The following LRP1B variants were observed in gnomAD, a reference collection of about 807,000 sequenced individuals.
LRP1B encodes low-density lipoprotein receptor-related protein 1B.
In LRP1B, 217 loss-of-function variants were observed where a neutral mutation model predicts 556.6. That is an observed-to-expected ratio of 0.39 (90% CI 0.35 to 0.44). LRP1B has a LOEUF of 0.44. LRP1B is among the 20% of genes least tolerant of loss of function. LRP1B has a pLI of 1.00. For missense variants in LRP1B, 5,053 were observed against 5,620.8 expected, an observed-to-expected ratio of 0.90 and a Z score of 3.23; for synonymous variants, 2,047 against 1,865.8, an observed-to-expected ratio of 1.10 and a Z score of -2.50.
intron 3 of LRP1B, among the ~76,000 whole-genome samples, chr2:141,370,763 T>C (rs989241394): frequency 2.0e-5 from 3 of 152,196 alleles, no homozygotes; most frequent in East Asian, 1.9e-4. Flanking sequence ...TTTTCTAATA[T>C]GTTTACGGTT....
intron 1 of LRP1B, among the ~76,000 whole-genome samples, chr2:142,124,038 T>G (rs192459844): frequency 1.3e-3 from 202 of 152,046 alleles, no homozygotes; most frequent in Non-Finnish European, 2.3e-3. Context: ...AAAACATGTT[T>G]TTTTTAATTT....
At chr2:141,212,249 A>ATTTTTTTTTCTTTCTTTTTTTTTTTT (rs1682590159) in intron 6 of LRP1B, among the ~76,000 whole-genome samples, 1 of 62,226 alleles carries the variant, frequency 1.6e-5, no homozygotes, top group Admixed American at 2.2e-4. Flanking sequence ...AAAAGTCTAG[A>ATTTTTTTTTCTTTCTTTTTTTTTTTT]TTTTTTTTTT....
At chr2:141,066,852 G>A (rs1699494528) in intron 7 of LRP1B, among the ~76,000 whole-genome samples, 1 of 151,826 alleles carries the variant, frequency 6.6e-6, no homozygotes, top group African/African-American at 2.4e-5. Flanking sequence ...ATACAAAATG[G>A]GGACTAGCTA....
intron 1 of LRP1B, among the ~76,000 whole-genome samples, chr2:142,020,137 C>T (rs1034207643): frequency 2.6e-5 from 4 of 152,090 alleles, no homozygotes; most frequent in African/African-American, 9.7e-5. Context: ...GCTTAGAGTA[C>T]AGGCAATCAA....
intron 66 of LRP1B, among the ~76,000 whole-genome samples, chr2:140,424,470 C>G (rs1049333265): frequency 4.6e-5 from 7 of 152,114 alleles, no homozygotes; most frequent in Admixed American, 4.6e-4. Flanking sequence ...TCCAGTAAAC[C>G]TCACCATGCT....
intron 24 of LRP1B, among the ~76,000 whole-genome samples, chr2:140,885,397 C>T (rs946757060): frequency 1.3e-5 from 2 of 150,360 alleles, no homozygotes; most frequent in Non-Finnish European, 2.9e-5. Flanking sequence ...GTTGCCCAGG[C>T]TGGAGTACAA....
chr2:141,355,281 CTAA>C (rs1187162845), intron 3 of LRP1B, among the ~76,000 whole-genome samples: 2 of 149,292 alleles, frequency 1.3e-5, no homozygotes, highest in East Asian at 3.8e-4. Context: ...TTTTAAGTCA[CTAA>C]TGTTTTAATA....
intron 86 of LRP1B, among the ~76,000 whole-genome samples, chr2:140,258,492 A>C (rs1681794964): frequency 6.6e-6 from 1 of 152,040 alleles, no homozygotes; most frequent in Admixed American, 6.6e-5. Context: ...GCCAAAATTT[A>C]CCTAATTTTC....
At chr2:141,453,915 A>C (rs1423019877) in intron 3 of LRP1B, among the ~76,000 whole-genome samples, 1 of 143,836 alleles carries the variant, frequency 7.0e-6, no homozygotes, top group Non-Finnish European at 1.5e-5. Flanking sequence ...TCTGTCTCAA[A>C]AAAAAAAAAA....
At chr2:140,948,120 A>G (rs1467667375) in intron 20 of LRP1B, among the ~76,000 whole-genome samples, 1 of 152,146 alleles carries the variant, frequency 6.6e-6, no homozygotes, top group Non-Finnish European at 1.5e-5. Context: ...GATCGTTTAA[A>G]CTTAGTGATA....
intron 3 of LRP1B, among the ~76,000 whole-genome samples, chr2:141,401,446 C>T (rs1385975191): frequency 6.6e-6 from 1 of 152,060 alleles, no homozygotes; most frequent in Non-Finnish European, 1.5e-5. Context: ...TCTTATAATA[C>T]TGAAAAATTA....
intron 1 of LRP1B, among the ~76,000 whole-genome samples, chr2:141,841,425 GA>G (rs1697468128): frequency 1.3e-5 from 2 of 152,090 alleles, no homozygotes; most frequent in Non-Finnish European, 2.9e-5. Context: ...TGTTAAAATG[GA>G]AAAAAGTATA....
In LRP1B at chr2:141,481,202, T is replaced by G. The variant is rs184355421; in HGVS notation, c.206-669A>C. On this transcript the variant is annotated intron_variant, in intron 2 of 90. Transcript: ENST00000389484. The stretch of plus-strand genomic sequence containing the variant: ...AACTACTTTGTATAATCACCATTTG[T>G]GTTTTTAAGATAAGCTTAAATCAGA... Among the ~76,000 whole-genome samples the G allele has an allele frequency of 3.5e-4, 53 of 152,322 alleles. No homozygotes were observed. In the East Asian group the frequency reaches 8.5e-3, roughly 24 times the overall value.
intron 2 of LRP1B, among the ~76,000 whole-genome samples, chr2:141,602,293 A>G (rs1687776029): frequency 6.6e-6 from 1 of 152,176 alleles, no homozygotes; most frequent in Admixed American, 6.6e-5. Flanking sequence ...TGTAACCAGC[A>G]TGAAAATATG....
rs1362360476 is a variant in LRP1B at position 140,541,067 on chromosome 2, T to G, written c.7419A>C (p.Gly2473=). Reference sequence around the variant, plus strand: ...TTAAAAGGCACAAGTCATGGCAGCCTCCATTCAATAATGCACATGGAGAAA... The same window carrying G: ...TTAAAAGGCACAAGTCATGGCAGCCGCCATTCAATAATGCACATGGAGAAA... The part of the protein sequence containing the change: ...CELSPCALLN[G]GCHDLCLLTP... Residue 2473 remains glycine (G), a synonymous_variant, in exon 45 of 91, where the codon GGA becomes GGC. Transcript: ENST00000389484. 6.2e-7 allele frequency: 1 copy of G among 1,610,876 alleles called. No individual in the cohort carries two copies.
chr2:142,023,970 C>T (rs770230764), intron 1 of LRP1B, among the ~76,000 whole-genome samples: 1 of 152,106 alleles, frequency 6.6e-6, no homozygotes, highest in Non-Finnish European at 1.5e-5. Context: ...TTTTGAGATA[C>T]ATTTTCAGTC....
chr2:140,456,241 C>T (rs115920599), intron 62 of LRP1B, among the ~76,000 whole-genome samples: 6,549 of 152,050 alleles, frequency 0.043, 189 homozygotes, highest in Non-Finnish European at 0.069. Flanking sequence ...TTTTTCTTTT[C>T]TTTCTCTCTC....
intron 43 of LRP1B, among the ~76,000 whole-genome samples, chr2:140,568,892 T>C (rs1681221405): frequency 6.6e-6 from 1 of 152,016 alleles, no homozygotes; most frequent in Non-Finnish European, 1.5e-5. Context: ...CAAGAAAAGC[T>C]AACCTTTAGT....
At chr2:142,034,997 A>G (rs1004099873) in intron 1 of LRP1B, among the ~76,000 whole-genome samples, 3 of 151,858 alleles carry the variant, frequency 2.0e-5, no homozygotes, top group Non-Finnish European at 4.4e-5. Flanking sequence ...ATGTATGAAT[A>G]AAGATCTTAT....
Sources: gnomAD v4.1 joint callset for allele counts (sites outside exome capture counted in the v4.1 genomes callset) on GRCh38, gnomAD v4.1.1 for gene constraint, MANE v1.5 for transcripts, NCBI Gene and HGNC (gene_info 2026-07-23, HGNC 2026-07-21) for gene names.